Variants in PARD3B observed in about 807,000 individuals in gnomAD.
PARD3B encodes partitioning defective 3 homolog B.
Under a neutral mutation model 130.2 loss-of-function variants are expected in PARD3B, and 103 were observed. That is an observed-to-expected ratio of 0.79 (90% confidence interval 0.67 to 0.93). PARD3B has a LOEUF of 0.93. Among genes scored for constraint, PARD3B ranks in the 40% least tolerant of loss-of-function variants. The pLI is 0.00. For missense variants in PARD3B, 1,609 were observed against 1,499.2 expected (o/e 1.07, Z -1.21); for synonymous variants, 583 against 553.2 (o/e 1.05, Z -0.76).
chr2:205,546,307 C>A (rs554698723), intron 21 of PARD3B, among the ~76,000 whole-genome samples: 3 of 152,142 alleles, frequency 2.0e-5, no homozygotes, highest in African/African-American at 7.2e-5. Flanking sequence ...CAAATCCAGG[C>A]GTAAGTTCTA....
At chr2:205,335,696 C>T (rs2043289335) in intron 18 of PARD3B, among the ~76,000 whole-genome samples, 1 of 151,932 alleles carries the variant, frequency 6.6e-6, no homozygotes, top group Admixed American at 6.6e-5. Context: ...GGGGAGGCCT[C>T]ACAATCATGG....
At chr2:204,682,743 T>C (rs564632144) in intron 1 of PARD3B, among the ~76,000 whole-genome samples, 2 of 152,352 alleles carry the variant, frequency 1.3e-5, no homozygotes, top group African/African-American at 4.8e-5. Context: ...GGCATCTTGC[T>C]TGGGCCCCTC....
At chr2:205,271,325 T>C (rs1372824892) in intron 16 of PARD3B, among the ~76,000 whole-genome samples, 1 of 152,182 alleles carries the variant, frequency 6.6e-6, no homozygotes, top group Non-Finnish European at 1.5e-5. Flanking sequence ...GAAACCACAG[T>C]GTCATGCATT....
chr2:204,796,242 A>G (rs1213502848), intron 2 of PARD3B, among the ~76,000 whole-genome samples: 1 of 152,200 alleles, frequency 6.6e-6, no homozygotes, highest in African/African-American at 2.4e-5. Flanking sequence ...TCAAATGGTT[A>G]TGTTCAGAAG....
intron 21 of PARD3B, among the ~76,000 whole-genome samples, chr2:205,503,410 G>C (rs1160175222): frequency 6.6e-6 from 1 of 151,090 alleles, no homozygotes; most frequent in Non-Finnish European, 1.5e-5. Flanking sequence ...TTCATACTTT[G>C]TTCTTTTATT....
rs1482818984 is a variant in PARD3B at position 205,325,024 on chromosome 2, A to G, written c.2630+23323A>G. ...GTTCCACAAATTCTACTCTCTAAGA[A>G]TCTAAATTCTCTCTCCATCTTCACT... On this transcript the variant is annotated intron_variant, in intron 18 of 22. Coordinates refer to ENST00000406610, the MANE Select transcript of PARD3B (RefSeq NM_001302769.2). This position sits in a 1 kb window ranked among gnomAD's most constrained non-coding sequence, Gnocchi z 4.1. 1.3e-5 allele frequency among the ~76,000 whole-genome samples: 2 copies of G among 152,188 alleles called. No homozygotes were observed. The highest frequency in any genetic ancestry group is 4.8e-5 in the African/African-American group (2 of 41,454).
chr2:204,581,206 C>G lies in PARD3B; in HGVS notation c.120+35087C>G, dbSNP rs1042969569. ...CAGAAAATTGCTTCTTGTTAGTTCT[C>G]TGAGCACTGCAGTTATAAGACTGTA... On this transcript the variant is annotated intron_variant, in intron 1 of 22. Transcript: ENST00000406610. Among the ~76,000 whole-genome samples, 8 of 152,288 alleles carry G rather than the reference C, an allele frequency of 5.3e-5. No individual in the cohort carries two copies. In the South Asian group the frequency reaches 1.2e-3, roughly 24 times the overall value.
At position 205,268,939 on chromosome 2, in the gene PARD3B, C is replaced by G. The variant is rs1466767621; in HGVS notation, c.2185+23117C>G. Among the ~76,000 whole-genome samples, 4 of 152,046 alleles carry G rather than the reference C, an allele frequency of 2.6e-5. No homozygotes were observed. The highest frequency in any genetic ancestry group is 4.4e-5 in the Non-Finnish European group (3 of 68,002). ...CTCAAAAGGAAGAAAAGAGTATAGT[C>G]TTGAATAAAAGGTGTACCCAAGTAT... On this transcript the variant is annotated intron_variant, in intron 16 of 22. Transcript: ENST00000406610. The surrounding 1 kb of genome is among the most constrained non-coding windows in gnomAD (Gnocchi z 4.1).
chr2:205,315,116 C>T (rs2042519210), intron 18 of PARD3B, among the ~76,000 whole-genome samples: 1 of 152,068 alleles, frequency 6.6e-6, no homozygotes, highest in Non-Finnish European at 1.5e-5. Context: ...ACCAATCATT[C>T]GTTTGTTCAG....
chr2:205,152,983 T>C (rs1306788362), intron 10 of PARD3B, among the ~76,000 whole-genome samples: 2 of 152,224 alleles, frequency 1.3e-5, no homozygotes, highest in Non-Finnish European at 2.9e-5. Flanking sequence ...TATTCCGTTC[T>C]GTTTGTTGGT....
At chr2:205,129,495 C>T (rs746209236) in intron 10 of PARD3B, among the ~76,000 whole-genome samples, 2 of 152,198 alleles carry the variant, frequency 1.3e-5, no homozygotes, top group African/African-American at 2.4e-5. Context: ...TTGGTCTCTT[C>T]TTCCTTATCA....
chr2:204,989,841 C>T (rs1693495466), intron 3 of PARD3B, among the ~76,000 whole-genome samples: 1 of 152,006 alleles, frequency 6.6e-6, no homozygotes, highest in African/African-American at 2.4e-5. Context: ...TGGATATTTG[C>T]ATTATTTCCA....
At chr2:204,662,017 T>G (rs1176076043) in intron 1 of PARD3B, among the ~76,000 whole-genome samples, 2 of 152,184 alleles carry the variant, frequency 1.3e-5, no homozygotes, top group African/African-American at 4.8e-5. Flanking sequence ...TGGTAGTTTC[T>G]TAAGGATTTC....
At chr2:205,200,567 A>G (rs1011091484) in intron 15 of PARD3B, among the ~76,000 whole-genome samples, 4 of 152,206 alleles carry the variant, frequency 2.6e-5, no homozygotes, top group Admixed American at 6.5e-5. Context: ...ATAGAATTTA[A>G]TAAAGAATGA....
rs532455465 is a variant in PARD3B, at chr2:204,546,639, T to C, written c.120+520T>C. Reference sequence around the variant, plus strand: ...GGAGTTTCAGCCTTGTGAGCTGCCCTGTCTCAGTGACTTGGGCAGGAACAC... The same window carrying C: ...GGAGTTTCAGCCTTGTGAGCTGCCCCGTCTCAGTGACTTGGGCAGGAACAC... On this transcript the variant is annotated intron_variant, in intron 1 of 22. Coordinates refer to ENST00000406610, the MANE Select transcript of PARD3B (RefSeq NM_001302769.2). Among the ~76,000 whole-genome samples the C allele has an allele frequency of 2.4e-3, 363 of 152,326 alleles. 3 individuals are homozygous for C. The highest frequency in any genetic ancestry group is 8.2e-3 in the African/African-American group (339 of 41,576).
At chr2:205,400,369 A>G (rs1290626625) in intron 18 of PARD3B, among the ~76,000 whole-genome samples, 5 of 152,022 alleles carry the variant, frequency 3.3e-5, no homozygotes, top group East Asian at 1.9e-4. Flanking sequence ...AAGTCCTGGC[A>G]GTAGCTTACA....
chr2:204,838,821 A>T (rs376802283), intron 2 of PARD3B, among the ~76,000 whole-genome samples: 4 of 152,220 alleles, frequency 2.6e-5, no homozygotes, highest in African/African-American at 7.2e-5. Context: ...ACATGTAACC[A>T]AAAACATGTA....
chr2:204,895,688 T>A (rs971153105), intron 2 of PARD3B, among the ~76,000 whole-genome samples: 2 of 152,160 alleles, frequency 1.3e-5, no homozygotes, highest in Admixed American at 1.3e-4. Context: ...TTGTGCTTTA[T>A]CTTTAGGATA....
rs1159139781 is a variant in PARD3B, at chr2:205,125,429, G to T, written c.1306-180G>T. On this transcript the variant is annotated intron_variant, in intron 9 of 22. Coordinates refer to ENST00000406610, the MANE Select transcript of PARD3B (RefSeq NM_001302769.2). The surrounding 1 kb of genome is among the most constrained non-coding windows in gnomAD (Gnocchi z 4.0). ...TAATTACCGACTCTGAGTTCATCCA[G>T]CATCATGATGATGCATTATGGGAAA... Among the ~76,000 whole-genome samples the T allele has an allele frequency of 6.6e-6, 1 of 152,202 alleles. No individual in the cohort carries two copies. The highest frequency in any genetic ancestry group is 1.5e-5 in the Non-Finnish European group (1 of 68,040).
Sources: allele counts gnomAD v4.1 joint callset (sites outside exome capture counted in the v4.1 genomes callset), GRCh38; gene constraint gnomAD v4.1.1; non-coding constraint Gnocchi (gnomAD v3.1); transcripts MANE v1.5; gene names NCBI Gene and HGNC (gene_info 2026-07-23, HGNC 2026-07-21).